AFF4: variants seen among roughly 807,000 people sequenced by gnomAD.
The protein encoded by AFF4 is AF4/FMR2 family member 4.
In AFF4, 13 loss-of-function variants were observed where a neutral mutation model predicts 124.8. That is an observed-to-expected ratio of 0.10 (90% CI 0.07 to 0.17). The LOEUF (loss-of-function observed/expected upper bound fraction) is 0.17, where lower values mean the gene tolerates loss of function less well. AFF4 is among the 10% of genes least tolerant of loss of function. AFF4 has a pLI of 1.00. For synonymous variants in AFF4, 477 were observed against 496.1 expected (o/e 0.96, Z 0.51); for missense variants, 1,092 against 1,403.8 (o/e 0.78, Z 3.55).
chr5:132,888,051 A>C, intron 15 of AFF4, 46 bp downstream of exon 15: 2 of 1,605,784 alleles, frequency 1.2e-6, no homozygotes, highest in Non-Finnish European at 8.5e-7. Flanking sequence ...AGATTACTTA[A>C]GTTAATTTGA....
chr5:132,927,726 T>C (rs998136356), intron 4 of AFF4, among the ~76,000 whole-genome samples: 5 of 152,230 alleles, frequency 3.3e-5, no homozygotes, highest in African/African-American at 1.2e-4. Flanking sequence ...ATACACTTAG[T>C]AAATAATGAA....
rs1255030100 is a variant in AFF4, at chr5:132,893,053, G to T, written c.2373C>A (p.Gly791=). Reference sequence around the variant, plus strand: ...ACTCTCTGTTGCTGGATGGCTTATGGCCTGCTGAATTCTTGTCCTCCGTTT... The same window carrying T: ...ACTCTCTGTTGCTGGATGGCTTATGTCCTGCTGAATTCTTGTCCTCCGTTT... ...KPKTEDKNSA[G]HKPSSNRESS... The change falls in exon 12 of 21, where the codon GGC becomes GGA. Residue 791 remains glycine (G), a synonymous_variant. Transcript: ENST00000265343. 1.5e-5 allele frequency: 25 copies of T among 1,613,908 alleles called. No homozygotes were observed. In the East Asian group the frequency reaches 5.6e-4, roughly 36 times the overall value.
At chr5:132,908,745 A>G (rs1440406319) in intron 5 of AFF4, among the ~76,000 whole-genome samples, 4 of 145,790 alleles carry the variant, frequency 2.7e-5, no homozygotes, top group African/African-American at 1.0e-4. Flanking sequence ...TAATCTATAC[A>G]CTATATATAT....
Position 132,934,828 on chromosome 5 carries a change from C to T in AFF4, c.237G>A (p.Lys79=), listed in dbSNP as rs1037665974. The change falls in exon 3 of 21, where the codon AAG becomes AAA. Residue 79 remains lysine, a synonymous_variant. Transcript: ENST00000265343. ...RSIPKLVAIP[K]PTVPPSADEK... ...CATCTGCTGATGGTGGTACTGTAGG[C>T]TTGGGAATTGCAACAAGCTTTGGTA... 1.9e-6 allele frequency: 3 copies of T among 1,614,014 alleles called. No homozygotes were observed. Among genetic ancestry groups the T allele is most frequent in the African/African-American group, 2.7e-5 (2 of 74,894 alleles).
At chr5:132,906,794 CTT>C (rs1296736182) in intron 5 of AFF4, among the ~76,000 whole-genome samples, 3 of 148,780 alleles carry the variant, frequency 2.0e-5, no homozygotes, top group Non-Finnish European at 4.5e-5. Context: ...ACTTTTGTGA[CTT>C]TTGTTTAAAA....
At chr5:132,884,703 G>A (rs1418870490) in intron 19 of AFF4, among the ~76,000 whole-genome samples, 1 of 152,142 alleles carries the variant, frequency 6.6e-6, no homozygotes, top group Non-Finnish European at 1.5e-5. Context: ...TGAAAGTGAC[G>A]TGGAGATGAA....
intron 5 of AFF4, among the ~76,000 whole-genome samples, chr5:132,915,528 C>T (rs559227004): frequency 4.0e-5 from 6 of 149,952 alleles, no homozygotes; most frequent in African/African-American, 1.2e-4. Context: ...TATAATTAAG[C>T]ATTAATTATA....
intron 1 of AFF4, among the ~76,000 whole-genome samples, chr5:132,961,051 G>A (rs926726116): frequency 2.0e-5 from 3 of 151,930 alleles, no homozygotes; most frequent in Admixed American, 6.6e-5. Context: ...CTGAAACCCC[G>A]TCTCTACTAA....
At chr5:132,897,362 C>T in intron 10 of AFF4, 122 bp from the exon 11 acceptor site, 1 of 1,020,052 alleles carries the variant, frequency 9.8e-7, no homozygotes, top group South Asian at 1.6e-5. Flanking sequence ...GCAAATGGTT[C>T]TCTATGAACC....
At chr5:132,922,413 T>C (rs1388502268) in intron 5 of AFF4, among the ~76,000 whole-genome samples, 2 of 151,864 alleles carry the variant, frequency 1.3e-5, no homozygotes, top group African/African-American at 4.8e-5. Context: ...GACCTTGTCT[T>C]AAAAAGAAAG....
chr5:132,898,869 C>A (rs557372229), intron 9 of AFF4, among the ~76,000 whole-genome samples: 2 of 152,274 alleles, frequency 1.3e-5, no homozygotes, highest in South Asian at 4.1e-4. Context: ...ATGAGTAATT[C>A]TTTTTAAAGT....
At chr5:132,924,399 C>G (rs187093724) in intron 5 of AFF4, among the ~76,000 whole-genome samples, 1 of 152,162 alleles carries the variant, frequency 6.6e-6, no homozygotes, top group African/African-American at 2.4e-5. Context: ...CTAGAAAAAG[C>G]AAAACTTATC....
At chr5:132,902,557 AC>A (rs749991619) in intron 6 of AFF4, 70 bp from the exon 7 acceptor site, 3 of 1,122,462 alleles carry the variant, frequency 2.7e-6, no homozygotes, top group Non-Finnish European at 4.0e-6. Context: ...TATGTAAAAT[AC>A]CCTCAAATAA....
chr5:132,892,416 A>G lies in AFF4; in HGVS notation c.2397-12T>C. ...TCTGCTTAGATGACCTGCCAAACCA[A>G]ACGAATGCCTTCATTTCTCCACACA... On this transcript the variant is annotated splice_polypyrimidine_tract_variant and intron_variant, in intron 12 of 20. Coordinates refer to ENST00000265343, the MANE Select transcript of AFF4 (RefSeq NM_014423.4). 6.2e-7 allele frequency: 1 copy of G among 1,603,814 alleles called. No individual in the cohort carries two copies. The highest frequency in any genetic ancestry group is 8.5e-7 in the Non-Finnish European group (1 of 1,173,216).
Position 132,912,749 on chromosome 5 carries a change from T to C in AFF4, c.1051-8345A>G, listed in dbSNP as rs531315903. 3.9e-5 allele frequency among the ~76,000 whole-genome samples: 6 copies of C among 152,144 alleles called. No homozygotes were observed. The South Asian group carries it at 1.0e-3, about 26-fold the overall frequency. ...GGAAGTAAAACATAAACAACAATCA[T>C]ACAGATTCTACGACGGGAGAAATGC... On this transcript the variant is annotated intron_variant, in intron 5 of 20. Transcript: ENST00000265343.
chr5:132,949,894 C>T (rs1761797193), intron 1 of AFF4, among the ~76,000 whole-genome samples: 1 of 150,842 alleles, frequency 6.6e-6, no homozygotes, highest in East Asian at 1.9e-4. Flanking sequence ...AAAGGTGGTG[C>T]ATGCCTGTAG....
At chr5:132,905,085 C>T (rs932093266) in intron 5 of AFF4, among the ~76,000 whole-genome samples, 1 of 150,458 alleles carries the variant, frequency 6.6e-6, no homozygotes, top group African/African-American at 2.4e-5. Flanking sequence ...CTTTTATGGA[C>T]TAAAAAAATC....
At chr5:132,955,951 GTATA>G (rs1761950651) in intron 1 of AFF4, among the ~76,000 whole-genome samples, 1 of 142,560 alleles carries the variant, frequency 7.0e-6, no homozygotes, top group Non-Finnish European at 1.5e-5. Flanking sequence ...ATATAGTATA[GTATA>G]TATAATATAA....
At chr5:132,888,042 G>A (rs1478023912) in intron 15 of AFF4, 55 bp downstream of exon 15, 1 of 1,606,278 alleles carries the variant, frequency 6.2e-7, no homozygotes, top group Non-Finnish European at 8.5e-7. Context: ...AACATCAGAA[G>A]ATTACTTAAG....
Sources: gnomAD v4.1 joint callset for allele counts (sites outside exome capture counted in the v4.1 genomes callset) on GRCh38, gnomAD v4.1.1 for gene constraint, MANE v1.5 for transcripts, NCBI Gene and HGNC (gene_info 2026-07-23, HGNC 2026-07-21) for gene names.